Variants in USP50 observed in about 807,000 individuals in gnomAD.
USP50 encodes the protein ubiquitin carboxyl-terminal hydrolase 50.
USP50 carries 37 observed loss-of-function variants against 39.2 expected under a neutral mutation model. That is an observed-to-expected ratio of 0.94 (90% confidence interval 0.73 to 1.24). USP50 has a LOEUF of 1.24. USP50 is among the 50% of genes most tolerant of loss of function. The probability of loss-of-function intolerance (pLI) is 0.00; values close to 1 mark genes in which losing one functional copy is unlikely to be tolerated. For synonymous variants in USP50, 139 were observed against 144.5 expected (o/e 0.96, Z 0.27); for missense variants, 374 against 398.2 (o/e 0.94, Z 0.52).
intron 6 of USP50, chr15:50,511,446 C>A (rs1194699790): frequency 1.3e-5 from 2 of 152,104 alleles, no homozygotes; most frequent in Non-Finnish European, 2.9e-5. Context: ...GAAATGAAAA[C>A]ATGTTTACAG....
chr15:50,532,424 G>A (rs1007138104), intron 5 of USP50, among the ~76,000 whole-genome samples: 2 of 152,082 alleles, frequency 1.3e-5, no homozygotes, highest in African/African-American at 4.8e-5. Context: ...GGTGTGGAGG[G>A]ACTGAGCAGC....
chr15:50,520,872 G>A (rs990464086), intron 6 of USP50, among the ~76,000 whole-genome samples: 2 of 152,134 alleles, frequency 1.3e-5, no homozygotes, highest in Non-Finnish European at 2.9e-5. Context: ...TACAAACGTG[G>A]ATAGAAGGAA....
At chr15:50,493,142 C>T (rs949917955), downstream of USP50, 57 of 609,564 alleles carry the variant, frequency 9.4e-5, 1 homozygote, top group East Asian at 4.9e-4. Flanking sequence ...AAGGTGGAAG[C>T]GAAAGAGGAC....
intron 6 of USP50, chr15:50,511,306 C>T (rs2052736900): frequency 6.6e-6 from 1 of 152,090 alleles, no homozygotes; most frequent in African/African-American, 2.4e-5. Flanking sequence ...AAACTGGAAC[C>T]TTAGTTCCAG....
At chr15:50,514,925 G>A (rs954596635) in intron 6 of USP50, among the ~76,000 whole-genome samples, 9 of 150,632 alleles carry the variant, frequency 6.0e-5, no homozygotes, top group African/African-American at 2.0e-4. Context: ...GAGCTCAGGT[G>A]GTGGAGGTTG....
At chr15:50,529,550 T>G (rs2052923917) in intron 6 of USP50, among the ~76,000 whole-genome samples, 1 of 152,060 alleles carries the variant, frequency 6.6e-6, no homozygotes, top group South Asian at 2.1e-4. Flanking sequence ...AGGAGCACAA[T>G]TTGCAGTATC....
chr15:50,518,000 A>G (rs1049768029), intron 6 of USP50, among the ~76,000 whole-genome samples: 1 of 152,178 alleles, frequency 6.6e-6, no homozygotes, highest in Non-Finnish European at 1.5e-5. Context: ...ACACCCAGCC[A>G]ACAAAAGCAG....
downstream of USP50, chr15:50,495,854 A>C (rs762460014): frequency 2.5e-6 from 4 of 1,610,464 alleles, no homozygotes; most frequent in East Asian, 8.9e-5. Flanking sequence ...CCAGGCTGAT[A>C]ATCGGAAGAG....
At chr15:50,506,980 A>T (rs2052671481) in intron 6 of USP50, 1 of 152,166 alleles carries the variant, frequency 6.6e-6, no homozygotes, top group East Asian at 1.9e-4. Flanking sequence ...AAAAAAAAAA[A>T]AAAAAAAAAA....
chr15:50,520,358 T>C (rs1290058817), intron 6 of USP50, among the ~76,000 whole-genome samples: 1 of 151,114 alleles, frequency 6.6e-6, no homozygotes, highest in African/African-American at 2.4e-5. Flanking sequence ...TGGAGTGCAG[T>C]GGCATGGTCT....
intron 6 of USP50, among the ~76,000 whole-genome samples, chr15:50,525,554 G>A (rs1046047892): frequency 1.4e-4 from 11 of 76,972 alleles, no homozygotes; most frequent in African/African-American, 3.9e-4. Flanking sequence ...ATGTATATAT[G>A]TGTATATATG....
chr15:50,539,660 C>T (rs946174593), intron 4 of USP50, among the ~76,000 whole-genome samples: 8 of 150,778 alleles, frequency 5.3e-5, no homozygotes, highest in African/African-American at 7.3e-5. Flanking sequence ...GTGATCCGCC[C>T]GCCTTGGCCT....
At chr15:50,529,513 G>GAACCAACTTCTGCTGCTGCTGC (rs2052923690) in intron 6 of USP50, among the ~76,000 whole-genome samples, 1 of 152,124 alleles carries the variant, frequency 6.6e-6, no homozygotes, top group Non-Finnish European at 1.5e-5. Flanking sequence ...TAAGCTGTTG[G>GAACCAACTTCTGCTGCTGCTGC]AACCAACTTC....
At chr15:50,493,106 T>C, downstream of USP50, 1 of 672,238 alleles carries the variant, frequency 1.5e-6, no homozygotes, top group Non-Finnish European at 2.7e-6. Flanking sequence ...TCTGGTGCGC[T>C]TTTTTGCTGC....
At chr15:50,530,030 G>A in intron 5 of USP50, 101 bp from the exon 6 acceptor site, 1 of 1,495,872 alleles carries the variant, frequency 6.7e-7, no homozygotes, top group Non-Finnish European at 9.1e-7. Context: ...TTCTTGACTG[G>A]GCACAGTGGC....
Position 50,504,824 on chromosome 15 carries a change from CAAAA to C in USP50, c.937-3991_937-3988del, listed in dbSNP as rs60405800. ...GAAACCCTGTCTCTATTAAAAAAAACAAAAAAAATTAGCTGGGCCTGGTGGCGTG... is the reference window on the plus strand; with the variant it reads ...GAAACCCTGTCTCTATTAAAAAAAACAAAATTAGCTGGGCCTGGTGGCGTG... On this transcript the variant is annotated intron_variant, in intron 6 of 6. Coordinates refer to ENST00000532404, the MANE Select transcript of USP50 (RefSeq NM_203494.5). The C allele has an allele frequency of 4.6e-5, 7 of 150,732 alleles. No individual in the cohort carries two copies. In the East Asian group the frequency reaches 5.9e-4, roughly 13 times the overall value. 9.3% of individuals were successfully genotyped at this position (150,732 alleles called of 1,614,324 possible).
intron 6 of USP50, among the ~76,000 whole-genome samples, chr15:50,525,212 C>G (rs1596013477): frequency 6.6e-6 from 1 of 152,242 alleles, no homozygotes; most frequent in Admixed American, 6.6e-5. Context: ...TATGTGGAAT[C>G]TATTGAACTC....
intron 5 of USP50, among the ~76,000 whole-genome samples, chr15:50,535,588 A>T (rs1275783864): frequency 6.6e-6 from 1 of 152,250 alleles, no homozygotes; most frequent in Non-Finnish European, 1.5e-5. Context: ...ACACTTCTAA[A>T]TAACACAAGT....
intron 1 of USP50, 94 bp from the exon 2 acceptor site, chr15:50,544,875 A>G (rs1566913341): frequency 3.3e-6 from 4 of 1,227,444 alleles, no homozygotes; most frequent in African/African-American, 1.5e-5. Flanking sequence ...AATAAAGAAG[A>G]GTTCTTAATA....
Sources: gnomAD v4.1 joint callset for allele counts (sites outside exome capture counted in the v4.1 genomes callset) on GRCh38, gnomAD v4.1.1 for gene constraint, MANE v1.5 for transcripts, NCBI Gene and HGNC (gene_info 2026-07-23, HGNC 2026-07-21) for gene names.